ATPAF1: variants seen among roughly 807,000 people sequenced by gnomAD.
ATPAF1 encodes homolog of yeast ATP11.
In ATPAF1, 26 loss-of-function variants were observed where a neutral mutation model predicts 43.9. The ratio of observed to expected loss-of-function variants is 0.59; its 90% CI spans 0.43 to 0.82. ATPAF1 has a LOEUF of 0.82. ATPAF1 is among the 40% of genes least tolerant of loss of function. The pLI, the probability that ATPAF1 is intolerant of heterozygous loss-of-function variation, is 0.00. For synonymous variants in ATPAF1, 157 were observed against 168.0 expected (o/e 0.93, Z 0.50); for missense variants, 366 against 435.0 (o/e 0.84, Z 1.41).
chr1:46,658,187 A>G, exon 4 of ATPAF1: 1 of 1,592,464 alleles, frequency 6.3e-7, no homozygotes, highest in Non-Finnish European at 8.6e-7. Flanking sequence ...TTGAACTGAG[A>G]GTCTTGAAAG....
At position 46,658,668 on chromosome 1, in the gene ATPAF1, T is replaced by C. The variant is rs756497703; in HGVS notation, c.426+19A>G. The C allele has an allele frequency of 6.3e-7, 1 of 1,574,828 alleles. No homozygotes were observed. Among genetic ancestry groups the C allele is most frequent in the Non-Finnish European group, 8.6e-7 (1 of 1,161,250 alleles). On this transcript the variant is annotated intron_variant, in intron 3 of 8. Coordinates refer to ENST00000574428, the Ensembl canonical transcript of ATPAF1. ...ATATGACTTCAAGCTTTTTTTCCTA[T>C]ATTTAATTAGAAACCTACCTTGTCC...
At chr1:46,665,039 G>A (rs1234454573) in intron 2 of ATPAF1, 11 of 532,072 alleles carry the variant, frequency 2.1e-5, no homozygotes, top group Non-Finnish European at 3.4e-5. Flanking sequence ...TTGGGAGCAG[G>A]AAGTACCCCT....
At chr1:46,663,090 T>A (rs1370118528) in intron 2 of ATPAF1, among the ~76,000 whole-genome samples, 2 of 152,246 alleles carry the variant, frequency 1.3e-5, no homozygotes, top group Non-Finnish European at 2.9e-5. Context: ...GCTTCATCCA[T>A]GTCCCTACAA....
intron 6 of ATPAF1, among the ~76,000 whole-genome samples, chr1:46,651,571 C>A (rs1221966602): frequency 6.6e-6 from 1 of 151,946 alleles, no homozygotes; most frequent in Non-Finnish European, 1.5e-5. Context: ...TGAGGAATCG[C>A]CACACTGACT....
chr1:46,641,478 C>T (rs192808282), intron 8 of ATPAF1, among the ~76,000 whole-genome samples: 19 of 152,312 alleles, frequency 1.2e-4, no homozygotes, highest in African/African-American at 4.3e-4. Flanking sequence ...GCTAATACCC[C>T]ATTCTCTCCT....
intron 6 of ATPAF1, 118 bp from the exon 7 acceptor site, chr1:46,645,374 A>AT (rs1676024189): frequency 3.6e-6 from 3 of 831,196 alleles, no homozygotes; most frequent in Non-Finnish European, 3.8e-6. Context: ...ATATTTTTTT[A>AT]TTTTTTTGAG....
chr1:46,645,026 T>G (rs1294651700), intron 7 of ATPAF1, 135 bp downstream of exon 7: 4 of 731,600 alleles, frequency 5.5e-6, no homozygotes, highest in Non-Finnish European at 9.0e-6. Context: ...ACAAAAAGTA[T>G]GACAATTCAT....
At position 46,645,097 on chromosome 1, in the gene ATPAF1, A is replaced by G. The variant is rs1009828582; in HGVS notation, c.684+64T>C. On this transcript the variant is annotated intron_variant, in intron 7 of 8. Transcript: ENST00000574428. ...TATTCTGTGTCCTTGAGCCTCAGCA[A>G]GGGTTTCTAGTCCTACCAAGGGGTA... is the stretch of plus-strand genomic sequence containing the variant. 6.9e-5 allele frequency: 92 copies of G among 1,337,324 alleles called. 2 individuals carry two copies. Among genetic ancestry groups the G allele is most frequent in the Non-Finnish European group, 9.6e-5 (90 of 939,692 alleles). The allele number at this position is 1,337,324 out of a possible 1,614,324, so 82.8% of individuals were successfully genotyped here.
Position 46,639,312 on chromosome 1 carries a change from T to C in ATPAF1, c.793-3342A>G, listed in dbSNP as rs138065175. 1.5e-3 allele frequency among the ~76,000 whole-genome samples: 230 copies of C among 152,270 alleles called. 3 individuals are homozygous for C. Among genetic ancestry groups the C allele is most frequent in the Non-Finnish European group, 1.5e-3 (103 of 68,022 alleles). On this transcript the variant is annotated intron_variant, in intron 8 of 8. Transcript: ENST00000574428. The stretch of plus-strand genomic sequence containing the variant: ...TTTTATGTCTCTCAGCATTTACTTA[T>C]GCTATTCCCTCTGTCGGAAACATTT...
chr1:46,646,060 T>C (rs1161051715), intron 6 of ATPAF1, among the ~76,000 whole-genome samples: 1 of 152,170 alleles, frequency 6.6e-6, no homozygotes, highest in African/African-American at 2.4e-5. Context: ...CCTGTTGTCC[T>C]AGCTACTCGG....
intron 4 of ATPAF1, among the ~76,000 whole-genome samples, chr1:46,655,878 A>C (rs566107193): frequency 6.6e-6 from 1 of 152,148 alleles, no homozygotes; most frequent in Admixed American, 6.5e-5. Flanking sequence ...CATATTTTAT[A>C]TCTCTCTTAA....
chr1:46,649,740 G>GT (rs745771249), intron 6 of ATPAF1, among the ~76,000 whole-genome samples: 1 of 151,750 alleles, frequency 6.6e-6, no homozygotes, highest in East Asian at 1.9e-4. Flanking sequence ...CCTGGGCAAC[G>GT]TAAGTGAGAT....
chr1:46,656,516 T>C (rs1676276777), intron 4 of ATPAF1, among the ~76,000 whole-genome samples: 3 of 152,214 alleles, frequency 2.0e-5, no homozygotes, highest in South Asian at 2.1e-4. Flanking sequence ...TGTCAAAACA[T>C]TGTCTTCTCA....
chr1:46,647,732 GA>G (rs1298267462), intron 6 of ATPAF1, among the ~76,000 whole-genome samples: 1 of 152,166 alleles, frequency 6.6e-6, no homozygotes, highest in Non-Finnish European at 1.5e-5. Flanking sequence ...AGAAACAGCC[GA>G]ACTATTTTCT....
chr1:46,648,939 A>G (rs1046853504), intron 6 of ATPAF1, among the ~76,000 whole-genome samples: 20 of 152,134 alleles, frequency 1.3e-4, no homozygotes, highest in Non-Finnish European at 2.4e-4. Context: ...AGATCATGCC[A>G]CTGCACTACA....
chr1:46,660,528 T>C (rs1288711196), intron 2 of ATPAF1, among the ~76,000 whole-genome samples: 7 of 152,234 alleles, frequency 4.6e-5, no homozygotes, highest in African/African-American at 1.7e-4. Context: ...TGCACCATTA[T>C]TTTATGCATC....
intron 2 of ATPAF1, among the ~76,000 whole-genome samples, chr1:46,659,730 G>T (rs1347042851): frequency 3.9e-5 from 6 of 152,090 alleles, no homozygotes; most frequent in Non-Finnish European, 8.8e-5. Context: ...AAGTACATTC[G>T]ACACCTGGGA....
At chr1:46,663,171 T>C (rs1172151296) in intron 2 of ATPAF1, among the ~76,000 whole-genome samples, 1 of 152,252 alleles carries the variant, frequency 6.6e-6, no homozygotes, top group African/African-American at 2.4e-5. Flanking sequence ...TTTTCTTGAT[T>C]CAGTCTATCA....
rs199717080 is a variant in ATPAF1, at chr1:46,645,254, A to G, written c.591T>C (p.Phe197=). The G allele has an allele frequency of 5.0e-5, 80 of 1,606,398 alleles. 1 individual carries two copies. The East Asian group carries it at 1.2e-3, about 25-fold the overall frequency. ...CTTCCCTTCTTGGCAGAGCACATAG[A>G]AACTGTGAAAAACAGATATACAAGG... is the stretch of plus-strand genomic sequence containing the variant. Residue 197 remains phenylalanine (F), a splice_region_variant and synonymous_variant, in exon 7 of 9, where the codon TTT becomes TTC. Transcript: ENST00000574428.
Sources: gnomAD v4.1 joint callset for allele counts (sites outside exome capture counted in the v4.1 genomes callset) on GRCh38, gnomAD v4.1.1 for gene constraint, MANE v1.5 for transcripts, NCBI Gene and HGNC (gene_info 2026-07-23, HGNC 2026-07-21) for gene names.